GNA12: variants seen among roughly 807,000 people sequenced by gnomAD.
GNA12 encodes the protein guanine nucleotide-binding protein subunit alpha-12.
In GNA12, 9 loss-of-function variants were observed where a neutral mutation model predicts 26.0. The observed-to-expected ratio is 0.35, with a 90% CI of 0.21 to 0.60. GNA12 has a LOEUF of 0.60. GNA12 is among the 20% of genes least tolerant of loss of function. The pLI is 0.78. For synonymous variants in GNA12, 264 were observed against 219.6 expected (o/e 1.20, Z -1.79); for missense variants, 405 against 525.8 (o/e 0.77, Z 2.25).
chr7:2,794,878 A>C, intron 2 of GNA12, 50 bp downstream of exon 2: 1 of 1,289,534 alleles, frequency 7.8e-7, no homozygotes, highest in Non-Finnish European at 1.1e-6. Flanking sequence ...CAAAATAGTC[A>C]TGTAAAAAAC....
chr7:2,770,160 A>C (rs546550981), intron 2 of GNA12, among the ~76,000 whole-genome samples: 3 of 152,214 alleles, frequency 2.0e-5, no homozygotes, highest in African/African-American at 4.8e-5. Flanking sequence ...CCTACAATGT[A>C]TGACTTTACT....
At chr7:2,741,907 T>C (rs986365680) in intron 2 of GNA12, among the ~76,000 whole-genome samples, 15 of 151,606 alleles carry the variant, frequency 9.9e-5, no homozygotes, top group African/African-American at 3.6e-4. Flanking sequence ...ATCTAATATA[T>C]ACAGATACAG....
At chr7:2,767,339 T>A (rs1791832882) in intron 2 of GNA12, among the ~76,000 whole-genome samples, 1 of 152,328 alleles carries the variant, frequency 6.6e-6, no homozygotes, top group South Asian at 2.1e-4. Context: ...GCTTTCCCTC[T>A]ATGTTTTCTT....
At chr7:2,834,461 T>C (rs1778771218) in intron 1 of GNA12, among the ~76,000 whole-genome samples, 1 of 152,138 alleles carries the variant, frequency 6.6e-6, no homozygotes, top group African/African-American at 2.4e-5. Flanking sequence ...AGCTTGAGAG[T>C]GCGAGTGGAG....
chr7:2,796,259 T>C (rs765449562), intron 1 of GNA12, among the ~76,000 whole-genome samples: 1 of 152,230 alleles, frequency 6.6e-6, no homozygotes, highest in Non-Finnish European at 1.5e-5. Flanking sequence ...TTTAATTTAA[T>C]TTATGAATTA....
chr7:2,797,753 C>A (rs926336568), intron 1 of GNA12, among the ~76,000 whole-genome samples: 15 of 152,250 alleles, frequency 9.9e-5, no homozygotes, highest in Admixed American at 2.6e-4. Flanking sequence ...GTTAGAGATG[C>A]TCCCTGATTT....
At chr7:2,766,408 A>G (rs187416977) in intron 2 of GNA12, among the ~76,000 whole-genome samples, 187 of 134,540 alleles carry the variant, frequency 1.4e-3, no homozygotes, top group African/African-American at 5.2e-3. Context: ...TTTTTTTGAG[A>G]CGGAGTCTTG....
intron 1 of GNA12, among the ~76,000 whole-genome samples, chr7:2,801,284 A>G (rs531808632): frequency 4.6e-5 from 7 of 152,224 alleles, no homozygotes; most frequent in African/African-American, 1.4e-4. Flanking sequence ...TAGCTTCACA[A>G]GGAGTACAAT....
rs1358616075 is a variant in GNA12, at chr7:2,843,881, C to A, written c.281G>T (p.Arg94Leu). The A allele has an allele frequency of 6.4e-7, 1 of 1,561,970 alleles. No individual in the cohort carries two copies. Residue 94 changes from arginine (R) to leucine (L), a missense_variant, in exon 1 of 4, where the codon CGC (arginine) becomes CTC (leucine). Physicochemically the swap from Arg to Leu is moderately radical, Grantham distance 102. Transcript: ENST00000275364. ...GAGGATGTTGTCGAAGATGGTGTCG[C>A]GGAACTCCAGCAGCGCCTTCTGGTC... ...EFDQKALLEF[R>L]DTIFDNILKG...
At chr7:2,762,812 T>G in intron 2 of GNA12, 1 of 1,527,204 alleles carries the variant, frequency 6.5e-7, no homozygotes, top group Non-Finnish European at 8.8e-7. Context: ...CAGGGCGGCC[T>G]CCCATCCGCC....
intron 1 of GNA12, chr7:2,835,700 C>T (rs562571160): frequency 4.2e-5 from 43 of 1,021,038 alleles, no homozygotes; most frequent in Non-Finnish European, 6.5e-5. Context: ...AACAAATTTG[C>T]ATGGAATACA....
chr7:2,769,743 AAAAC>A (rs1231836372), intron 2 of GNA12, among the ~76,000 whole-genome samples: 4 of 152,022 alleles, frequency 2.6e-5, no homozygotes, highest in East Asian at 1.9e-4. Context: ...AGAAAAAACA[AAAAC>A]AAACAAACAA....
At chr7:2,787,263 T>C (rs554167505) in intron 2 of GNA12, among the ~76,000 whole-genome samples, 22 of 152,274 alleles carry the variant, frequency 1.4e-4, no homozygotes, top group African/African-American at 5.3e-4. Context: ...CCTACATTAC[T>C]TCAAGAGCCT....
chr7:2,824,803 A>G (rs1793446678), intron 1 of GNA12, among the ~76,000 whole-genome samples: 1 of 152,182 alleles, frequency 6.6e-6, no homozygotes, highest in South Asian at 2.1e-4. Flanking sequence ...CTGCTGCTCA[A>G]AGCGTAGCTG....
intron 1 of GNA12, among the ~76,000 whole-genome samples, chr7:2,829,730 A>T (rs1182191): frequency 0.42 from 64,109 of 151,926 alleles, 13,798 homozygotes; most frequent in Admixed American, 0.48. Flanking sequence ...TCTTTTCTTT[A>T]GGGACGGTGT....
chr7:2,799,399 G>A (rs897049874), intron 1 of GNA12, among the ~76,000 whole-genome samples: 9 of 152,152 alleles, frequency 5.9e-5, no homozygotes, highest in Admixed American at 5.9e-4. Context: ...GGGCAACATA[G>A]TGAGACCTCG....
rs759492536 is a variant in GNA12 at position 2,731,196 on chromosome 7, G to A, written c.1131C>T (p.Asp377=). The part of the protein sequence containing the change: ...KDTILQENLK[D]IMLQ ...GCTTCCTCGCTCACTGCAGCATGAT[G>A]TCCTTCAGGTTCTCCTGCAGGATGG... The change falls in exon 4 of 4, where the codon GAC becomes GAT. Residue 377 remains aspartate, a synonymous_variant. Transcript: ENST00000275364. The surrounding 1 kb of genome is among the most constrained non-coding windows in gnomAD (Gnocchi z 6.0). The A allele has an allele frequency of 1.9e-6, 3 of 1,609,884 alleles. No individual in the cohort carries two copies. Among genetic ancestry groups the A allele is most frequent in the South Asian group, 2.2e-5 (2 of 90,932 alleles).
At chr7:2,759,212 A>G (rs1233492078) in intron 2 of GNA12, among the ~76,000 whole-genome samples, 1 of 151,956 alleles carries the variant, frequency 6.6e-6, no homozygotes, top group Non-Finnish European at 1.5e-5. Flanking sequence ...AAACCCCATG[A>G]TGGATCTCAA....
intron 2 of GNA12, among the ~76,000 whole-genome samples, chr7:2,783,225 G>A (rs552606464): frequency 6.6e-6 from 1 of 152,298 alleles, no homozygotes; most frequent in Admixed American, 6.5e-5. Flanking sequence ...GGGTTAAAGT[G>A]TCTTTCCAGA....
Sources: allele counts gnomAD v4.1 joint callset (sites outside exome capture counted in the v4.1 genomes callset), GRCh38; gene constraint gnomAD v4.1.1; non-coding constraint Gnocchi (gnomAD v3.1); transcripts MANE v1.5; gene names NCBI Gene and HGNC (gene_info 2026-07-23, HGNC 2026-07-21).